Variants in CTNNA3 observed in about 807,000 individuals in gnomAD.
CTNNA3 encodes the protein catenin alpha 3, also known as catenin alpha-3.
A neutral mutation model predicts 95.7 loss-of-function variants in CTNNA3; 76 were observed. The ratio of observed to expected loss-of-function variants is 0.79; its 90% confidence interval spans 0.66 to 0.96. The LOEUF is 0.96. Ranked by LOEUF, CTNNA3 falls within the 40% of genes least tolerant of loss-of-function variation. CTNNA3 has a pLI of 0.00. For synonymous variants in CTNNA3, 431 were observed against 374.4 expected, an observed-to-expected ratio of 1.15 and a Z score of -1.74; for missense variants, 1,191 against 1,089.8, an observed-to-expected ratio of 1.09 and a Z score of -1.31.
chr10:66,396,067 T>G (rs2092974088), intron 11 of CTNNA3, among the ~76,000 whole-genome samples: 1 of 152,060 alleles, frequency 6.6e-6, no homozygotes, highest in South Asian at 2.1e-4. Context: ...TTATTTCACT[T>G]AGATTAATGC....
chr10:67,188,841 G>A (rs1207540535), intron 6 of CTNNA3, among the ~76,000 whole-genome samples: 4 of 152,058 alleles, frequency 2.6e-5, no homozygotes, highest in East Asian at 3.9e-4. Flanking sequence ...AGGGTGCAAC[G>A]AGTCATGCCT....
intron 13 of CTNNA3, among the ~76,000 whole-genome samples, chr10:66,110,593 T>C (rs1361534127): frequency 6.6e-6 from 1 of 152,178 alleles, no homozygotes; most frequent in East Asian, 1.9e-4. Flanking sequence ...GTCATCTTAA[T>C]ACCAGAATTT....
intron 1 of CTNNA3, among the ~76,000 whole-genome samples, chr10:67,680,539 C>G (rs1297149658): frequency 6.6e-6 from 1 of 152,140 alleles, no homozygotes; most frequent in Non-Finnish European, 1.5e-5. Context: ...GAAACCAGTA[C>G]TTCTGTATCA....
At chr10:67,177,818 C>T (rs1487248694) in intron 7 of CTNNA3, among the ~76,000 whole-genome samples, 10 of 152,178 alleles carry the variant, frequency 6.6e-5, no homozygotes, top group African/African-American at 2.2e-4. Flanking sequence ...TACTTAATTA[C>T]ACTTAATTAC....
Position 66,519,069 on chromosome 10 carries a change from G to T in CTNNA3, c.1531+1548C>A, listed in dbSNP as rs1840963241. Among the ~76,000 whole-genome samples, 4 of 151,906 alleles carry T rather than the reference G, an allele frequency of 2.6e-5. No individual in the cohort carries two copies. In the South Asian group the frequency reaches 8.3e-4, roughly 32 times the overall value. ...ATTCATGAGAATTTGCATTTTATAA[G>T]AAAGAATATTATCACATTCCAAGAA... On this transcript the variant is annotated intron_variant, in intron 11 of 17. Coordinates refer to ENST00000433211, the MANE Select transcript of CTNNA3 (RefSeq NM_013266.4).
chr10:66,874,116 G>T (rs969779468), intron 7 of CTNNA3, among the ~76,000 whole-genome samples: 3 of 151,508 alleles, frequency 2.0e-5, no homozygotes, highest in Non-Finnish European at 4.4e-5. Flanking sequence ...TCAAGTCACA[G>T]TCATTCAATG....
chr10:66,719,460 G>A (rs1848556892), intron 9 of CTNNA3, among the ~76,000 whole-genome samples: 1 of 152,092 alleles, frequency 6.6e-6, no homozygotes, highest in Non-Finnish European at 1.5e-5. Flanking sequence ...ACAAACTAAT[G>A]AGCAAACAAT....
At chr10:67,547,232 A>C (rs1840872517) in intron 3 of CTNNA3, among the ~76,000 whole-genome samples, 1 of 152,192 alleles carries the variant, frequency 6.6e-6, no homozygotes, top group Admixed American at 6.5e-5. Context: ...ATACAAGTAT[A>C]ATAATTCTTC....
intron 11 of CTNNA3, among the ~76,000 whole-genome samples, chr10:66,485,199 T>C (rs1033466467): frequency 2.0e-5 from 3 of 152,156 alleles, no homozygotes; most frequent in African/African-American, 7.2e-5. Context: ...TTTTGCCAAT[T>C]CTATTAAACA....
rs2077977849 is a variant in CTNNA3 at position 65,966,826 on chromosome 10, A to C, written c.2266-80T>G. ...CAAGGTGAGTAAATACAGTATTCAC[A>C]TGGCAGGTACCTTATAAAGCAGCAA... On this transcript the variant is annotated intron_variant, in intron 16 of 17. Transcript: ENST00000433211. The C allele has an allele frequency of 5.5e-6, 6 of 1,091,808 alleles. No individual in the cohort carries two copies. In the Admixed American group the frequency reaches 1.2e-4, roughly 23 times the overall value. The allele number at this position is 1,091,808 out of a possible 1,614,324, so 67.6% of individuals were successfully genotyped here. A position where few individuals can be genotyped will look rare whatever the true frequency, so the allele number is the denominator to read the frequency against.
chr10:66,932,922 A>G (rs534989629), intron 7 of CTNNA3, among the ~76,000 whole-genome samples: 1 of 152,222 alleles, frequency 6.6e-6, no homozygotes, highest in Non-Finnish European at 1.5e-5. Flanking sequence ...TAAGACCTAA[A>G]TTCAAGTTCC....
At chr10:66,667,257 C>T (rs1018732793) in intron 9 of CTNNA3, among the ~76,000 whole-genome samples, 5 of 151,766 alleles carry the variant, frequency 3.3e-5, no homozygotes, top group African/African-American at 4.8e-5. Context: ...TAAAATTGCC[C>T]TTGTTAGGTT....
chr10:66,555,819 T>C (rs779073950), intron 10 of CTNNA3, among the ~76,000 whole-genome samples: 50 of 152,034 alleles, frequency 3.3e-4, no homozygotes, highest in Middle Eastern at 3.4e-3. Flanking sequence ...ACACTGACCC[T>C]GGAAATAACT....
intron 15 of CTNNA3, among the ~76,000 whole-genome samples, chr10:66,017,303 A>G (rs865775522): frequency 6.6e-6 from 1 of 152,124 alleles, no homozygotes; most frequent in Non-Finnish European, 1.5e-5. Flanking sequence ...AACAGATACA[A>G]AAGACTTGCC....
At chr10:66,939,917 C>T (rs939880786) in intron 7 of CTNNA3, among the ~76,000 whole-genome samples, 10 of 152,046 alleles carry the variant, frequency 6.6e-5, no homozygotes, top group Non-Finnish European at 1.5e-4. Flanking sequence ...CTTTGTTATC[C>T]ACTTCATGGT....
At chr10:66,550,980 A>T (rs1449947955) in intron 10 of CTNNA3, among the ~76,000 whole-genome samples, 1 of 152,060 alleles carries the variant, frequency 6.6e-6, no homozygotes, top group African/African-American at 2.4e-5. Context: ...TTTTATATAC[A>T]TTGAAAACCC....
At chr10:66,270,864 G>A (rs1398404597) in intron 13 of CTNNA3, among the ~76,000 whole-genome samples, 1 of 152,142 alleles carries the variant, frequency 6.6e-6, no homozygotes, top group Non-Finnish European at 1.5e-5. Flanking sequence ...CAGCCAGCAG[G>A]CCAATGTGTC....
chr10:66,183,844 A>G (rs914091597), intron 13 of CTNNA3, among the ~76,000 whole-genome samples: 1 of 152,086 alleles, frequency 6.6e-6, no homozygotes, highest in Non-Finnish European at 1.5e-5. Context: ...TTCATCTTCT[A>G]TGAAAAGCCT....
chr10:66,879,889 G>A (rs1440026884), intron 7 of CTNNA3, among the ~76,000 whole-genome samples: 1 of 152,082 alleles, frequency 6.6e-6, no homozygotes, highest in African/African-American at 2.4e-5. Context: ...GCTTAGAAAT[G>A]TAGCCTGGAG....
Sources: gnomAD v4.1 joint callset for allele counts (sites outside exome capture counted in the v4.1 genomes callset) on GRCh38, gnomAD v4.1.1 for gene constraint, MANE v1.5 for transcripts, NCBI Gene and HGNC (gene_info 2026-07-23, HGNC 2026-07-21) for gene names.